The following ATP2C1 variants were observed in gnomAD, a reference collection of about 807,000 sequenced individuals.
The protein encoded by ATP2C1 is ATPase secretory pathway Ca2+ transporting 1, also known as calcium-transporting ATPase type 2C member 1.
A neutral mutation model predicts 120.5 loss-of-function variants in ATP2C1; 31 were observed. The ratio of observed to expected loss-of-function variants is 0.26; its 90% CI spans 0.19 to 0.35. The LOEUF is 0.35. Ranked by LOEUF, ATP2C1 falls within the 10% of genes least tolerant of loss-of-function variation. ATP2C1 has a pLI of 1.00. For missense variants in ATP2C1, 731 were observed against 1,107.5 expected, an observed-to-expected ratio of 0.66 and a Z score of 4.83; for synonymous variants, 351 against 358.7, an observed-to-expected ratio of 0.98 and a Z score of 0.24.
At chr3:130,982,944 C>T (rs2061835040) in intron 20 of ATP2C1, among the ~76,000 whole-genome samples, 1 of 152,062 alleles carries the variant, frequency 6.6e-6, no homozygotes, top group African/African-American at 2.4e-5. Flanking sequence ...TTAACAAAAC[C>T]TGGTTGCTAC....
chr3:130,998,204 G>A, intron 25 of ATP2C1, 90 bp from the exon 26 acceptor site: 2 of 894,918 alleles, frequency 2.2e-6, no homozygotes, highest in South Asian at 2.7e-5. Context: ...TCTTCCTAAT[G>A]GAAAGAAAAT....
chr3:130,985,649 C>G (rs2061971651), intron 20 of ATP2C1, among the ~76,000 whole-genome samples: 1 of 148,476 alleles, frequency 6.7e-6, no homozygotes, highest in Admixed American at 6.8e-5. Context: ...CCCACCTCCC[C>G]CGCCCCACCA....
rs775740158 is a variant in ATP2C1 at position 130,941,648 on chromosome 3, A to G, written c.480A>G (p.Thr160=). Residue 160 remains threonine, a synonymous_variant, in exon 8 of 28, where the codon ACA becomes ACG. Transcript: ENST00000510168. ...CCCGAGACTTGGTTCCAGGTGATAC[A>G]GTTTGCCTTTCTGTTGGGGATAGAG... ...TLARDLVPGD[T]VCLSVGDRVP... is the part of the protein sequence containing the mutation. 1.2e-6 allele frequency: 2 copies of G among 1,613,918 alleles called. No homozygotes were observed. Among genetic ancestry groups the G allele is most frequent in the African/African-American group, 1.3e-5 (1 of 74,886 alleles).
chr3:130,996,857 A>C lies in ATP2C1; in HGVS notation c.2243+61A>C, dbSNP rs1339686994. 3.4e-6 allele frequency: 4 copies of C among 1,173,014 alleles called. No individual in the cohort carries two copies. The East Asian group carries it at 7.0e-5, about 21-fold the overall frequency. 72.7% of individuals were successfully genotyped at this position (1,173,014 alleles called of 1,614,324 possible). A position where few individuals can be genotyped will look rare whatever the true frequency, so the allele number is the denominator to read the frequency against. On this transcript the variant is annotated intron_variant, in intron 24 of 27. Transcript: ENST00000510168. ...AGGAATGTGTACTACCCTGATAATTAAGTTTTAAAACTTGATTTATGGACA... is the reference window on the plus strand; with the variant it reads ...AGGAATGTGTACTACCCTGATAATTCAGTTTTAAAACTTGATTTATGGACA...
Position 130,959,258 on chromosome 3 carries a change from A to G in ATP2C1, c.833-17A>G, listed in dbSNP as rs1433063991. 5.0e-6 allele frequency: 8 copies of G among 1,589,330 alleles called. No homozygotes were observed. The highest frequency in any genetic ancestry group is 6.9e-6 in the Non-Finnish European group (8 of 1,158,384). On this transcript the variant is annotated splice_polypyrimidine_tract_variant and intron_variant, in intron 11 of 27. Coordinates refer to ENST00000510168, the MANE Select transcript of ATP2C1 (RefSeq NM_001378687.1). The stretch of plus-strand genomic sequence containing the variant: ...TTGTATGTAAAAGGGAAAAATAACT[A>G]TTTAATTATCTTTCAGGAATCATCA...
chr3:131,012,260 C>CTTTT (rs71620100), intron 26 of ATP2C1, among the ~76,000 whole-genome samples: 5 of 127,198 alleles, frequency 3.9e-5, no homozygotes, highest in Non-Finnish European at 8.0e-5. Context: ...TTTCTTTTTT[C>CTTTT]TTTTTTTTTT....
At chr3:130,924,137 T>A (rs1359249277) in intron 2 of ATP2C1, among the ~76,000 whole-genome samples, 1 of 116,194 alleles carries the variant, frequency 8.6e-6, no homozygotes, top group Non-Finnish European at 2.2e-5. Context: ...TCCCTTAGTT[T>A]TTTGTTTTTG....
upstream of ATP2C1, among the ~76,000 whole-genome samples, chr3:130,889,308 C>T (rs552373080): frequency 7.9e-5 from 12 of 152,284 alleles, no homozygotes; most frequent in South Asian, 1.9e-3. Flanking sequence ...TTTTTCTCAT[C>T]ATTTAATGAA....
chr3:130,862,579 C>T (rs377588287), intron 1 of ATP2C1, among the ~76,000 whole-genome samples: 2 of 152,154 alleles, frequency 1.3e-5, no homozygotes, highest in African/African-American at 2.4e-5. Context: ...AAAGTTCCAT[C>T]GCCTAGCTTT....
intron 26 of ATP2C1, chr3:131,015,126 G>T: frequency 1.5e-6 from 1 of 655,448 alleles, no homozygotes. Flanking sequence ...TGTTAGCTCA[G>T]ATATAAGGCC....
At chr3:131,005,560 A>C (rs1257577137), downstream of ATP2C1, among the ~76,000 whole-genome samples, 1 of 152,248 alleles carries the variant, frequency 6.6e-6, no homozygotes, top group Non-Finnish European at 1.5e-5. Context: ...AGTGGGACAC[A>C]GGTCCATCTG....
downstream of ATP2C1, among the ~76,000 whole-genome samples, chr3:131,007,205 T>A (rs1308962038): frequency 3.3e-5 from 5 of 152,244 alleles, no homozygotes; most frequent in Non-Finnish European, 7.3e-5. Context: ...GTAAATCTGC[T>A]GGTGTTCTCG....
intron 20 of ATP2C1, among the ~76,000 whole-genome samples, chr3:130,983,664 A>C (rs1363294015): frequency 6.6e-6 from 1 of 152,210 alleles, no homozygotes; most frequent in Admixed American, 6.5e-5. Context: ...TGACGTTTTC[A>C]TCCCTCCCCA....
upstream of ATP2C1, among the ~76,000 whole-genome samples, chr3:130,890,610 C>G (rs1350023175): frequency 1.3e-5 from 2 of 152,188 alleles, no homozygotes; most frequent in East Asian, 3.8e-4. Flanking sequence ...ACTTGGGGAT[C>G]TGGATCTGGG....
intron 1 of ATP2C1, among the ~76,000 whole-genome samples, chr3:130,858,113 C>T (rs1330537267): frequency 6.6e-6 from 1 of 152,126 alleles, no homozygotes; most frequent in Non-Finnish European, 1.5e-5. Flanking sequence ...TTTCTTCTGC[C>T]TGCTTTATTC....
upstream of ATP2C1, among the ~76,000 whole-genome samples, chr3:130,891,314 G>A (rs2069159887): frequency 6.6e-6 from 1 of 152,044 alleles, no homozygotes; most frequent in African/African-American, 2.4e-5. Context: ...TAAAAATGCA[G>A]CTATCAAATT....
intron 2 of ATP2C1, chr3:130,918,719 C>G (rs547270253): frequency 4.6e-6 from 2 of 432,030 alleles, no homozygotes; most frequent in African/African-American, 4.1e-5. Flanking sequence ...GGGCCGGGCG[C>G]GGTGGCTCAC....
rs2060466236 is a variant in ATP2C1, at chr3:130,953,703, A to C, written c.532-118A>C. 8 of 1,031,198 alleles carry C rather than the reference A, an allele frequency of 7.8e-6. No homozygotes were observed. In the East Asian group the frequency reaches 1.9e-4, roughly 24 times the overall value. The allele number at this position is 1,031,198 out of a possible 1,614,324, so 63.9% of individuals were successfully genotyped here. A position where few individuals can be genotyped will look rare whatever the true frequency, so the allele number is the denominator to read the frequency against. ...TCTTTTAGAGTGATGGTTTTGATAC[A>C]AGATGTGGCTAATCAATGGAAAAGG... On this transcript the variant is annotated intron_variant, in intron 8 of 27. Transcript: ENST00000510168.
At chr3:130,850,993 C>A in intron 1 of ATP2C1, 1 of 898,430 alleles carries the variant, frequency 1.1e-6, no homozygotes, top group Non-Finnish European at 1.5e-6. Flanking sequence ...TTTTACGTCG[C>A]TTAGTGATTT....
Sources: allele counts gnomAD v4.1 joint callset (sites outside exome capture counted in the v4.1 genomes callset), GRCh38; gene constraint gnomAD v4.1.1; transcripts MANE v1.5; gene names NCBI Gene and HGNC (gene_info 2026-07-23, HGNC 2026-07-21).